The following ESRP1 variants were observed in gnomAD, a reference collection of about 807,000 sequenced individuals.
The protein encoded by ESRP1 is epithelial splicing regulatory protein 1, also known as RNA-binding motif protein 35A.
In ESRP1, 33 loss-of-function variants were observed where a neutral mutation model predicts 81.7. That is an observed-to-expected ratio of 0.40 (90% CI 0.31 to 0.54). ESRP1 has a LOEUF of 0.54. ESRP1 is among the 20% of genes least tolerant of loss of function. The probability of loss-of-function intolerance (pLI) is 0.41; values close to 1 mark genes in which losing one functional copy is unlikely to be tolerated. For synonymous variants in ESRP1, 320 were observed against 303.3 expected (o/e 1.06, Z -0.57); for missense variants, 672 against 833.1 (o/e 0.81, Z 2.38).
rs1817611633 is a variant in ESRP1 at position 94,641,806 on chromosome 8, C to T, written c.133-150C>T. The T allele has an allele frequency of 2.2e-5, 28 of 1,292,686 alleles. No individual in the cohort carries two copies. In the South Asian group the frequency reaches 3.7e-4, roughly 17 times the overall value. The allele number at this position is 1,292,686 out of a possible 1,614,324, so 80.1% of individuals were successfully genotyped here. A position where few individuals can be genotyped will look rare whatever the true frequency, so the allele number is the denominator to read the frequency against. ...GGGGGTGGGGCGGGGGGCAGGAACG[C>T]ACCGGAACCGATGGCGAGTCGAGAG... On this transcript the variant is annotated intron_variant, in intron 1 of 15. Coordinates refer to ENST00000433389, the MANE Select transcript of ESRP1 (RefSeq NM_017697.4).
At chr8:94,670,170 T>C (rs943805157) in intron 10 of ESRP1, among the ~76,000 whole-genome samples, 12 of 152,290 alleles carry the variant, frequency 7.9e-5, no homozygotes, top group Non-Finnish European at 1.8e-4. Flanking sequence ...TCTCCATCCT[T>C]CTTGATTTAT....
At chr8:94,669,598 G>T (rs541769153) in intron 10 of ESRP1, among the ~76,000 whole-genome samples, 44 of 152,188 alleles carry the variant, frequency 2.9e-4, no homozygotes, top group African/African-American at 1.0e-3. Context: ...AGGCGCAGTG[G>T]CTCACGCCTG....
At chr8:94,690,434 A>G (rs1033228650) in intron 13 of ESRP1, among the ~76,000 whole-genome samples, 1 of 151,880 alleles carries the variant, frequency 6.6e-6, no homozygotes, top group Non-Finnish European at 1.5e-5. Context: ...CACCCGGCCT[A>G]GAATTTAGGT....
At chr8:94,682,923 TA>T (rs1808966007) in intron 13 of ESRP1, among the ~76,000 whole-genome samples, 1 of 36,190 alleles carries the variant, frequency 2.8e-5, no homozygotes, top group African/African-American at 1.5e-4. Flanking sequence ...TATATATATA[TA>T]TATATATATT....
Position 94,674,303 on chromosome 8 carries a change from C to T in ESRP1, c.1453-5C>T. On this transcript the variant is annotated splice_region_variant and splice_polypyrimidine_tract_variant and intron_variant, in intron 11 of 15. Transcript: ENST00000433389. Reference sequence around the variant, plus strand: ...TTTGTTTTTATTCTTCCCCCACACACTCAGGGCCGCCCATCAGGAGATGCC... The same window carrying T: ...TTTGTTTTTATTCTTCCCCCACACATTCAGGGCCGCCCATCAGGAGATGCC... 6.2e-7 allele frequency: 1 copy of T among 1,612,912 alleles called. No homozygotes were observed. Among genetic ancestry groups the T allele is most frequent in the South Asian group, 1.1e-5 (1 of 90,902 alleles).
Position 94,706,281 on chromosome 8 carries a change from A to C in ESRP1, c.*392A>C. The C allele has an allele frequency of 3.9e-6, 1 of 254,320 alleles. No homozygotes were observed. The highest frequency in any genetic ancestry group is 7.5e-6 in the Non-Finnish European group (1 of 133,108). 15.8% of individuals were successfully genotyped at this position (254,320 alleles called of 1,614,324 possible). On this transcript the variant is annotated 3_prime_UTR_variant, in exon 16 of 16. Coordinates refer to ENST00000433389, the MANE Select transcript of ESRP1 (RefSeq NM_017697.4). ...CCAGTGTCTACCATCTCCACCATGA[A>C]CTCTGTTAAGGAAGCTTCATTTTTG...
Position 94,692,715 on chromosome 8 carries a change from C to G in ESRP1, c.1859C>G (p.Thr620Arg). 3.7e-6 allele frequency: 6 copies of G among 1,613,984 alleles called. No homozygotes were observed. Among genetic ancestry groups the G allele is most frequent in the Non-Finnish European group, 5.1e-6 (6 of 1,179,878 alleles). The change falls in exon 14 of 16, where the codon ACA becomes AGA. Residue 620 changes from threonine (T) to arginine (R), a missense_variant. Transcript: ENST00000433389. Reference protein sequence around the residue: ...GSPNSLGYFPTAANLSGVPPQ... With the variant: ...GSPNSLGYFPRAANLSGVPPQ... ...CCTAATAGTCTTGGCTACTTCCCTA[C>G]AGCTGCTAATCTTAGCGGTGTCCCT... is the stretch of plus-strand genomic sequence containing the variant.
At chr8:94,681,100 C>T (rs935457601) in intron 13 of ESRP1, among the ~76,000 whole-genome samples, 16 of 151,582 alleles carry the variant, frequency 1.1e-4, no homozygotes, top group Admixed American at 2.6e-4. Context: ...CCAAGGTGGA[C>T]GGATCACGAG....
At position 94,665,213 on chromosome 8, in the gene ESRP1, T is replaced by A. The variant is rs770535799; in HGVS notation, c.931+17T>A. 6.2e-7 allele frequency: 1 copy of A among 1,609,570 alleles called. No individual in the cohort carries two copies. The highest frequency in any genetic ancestry group is 8.5e-7 in the Non-Finnish European group (1 of 1,177,944). On this transcript the variant is annotated intron_variant, in intron 9 of 15. Coordinates refer to ENST00000433389, the MANE Select transcript of ESRP1 (RefSeq NM_017697.4). ...TTGCTGGTGGTAAGTGCCTTTTACA[T>A]AATGTGGCTTTAGTTAATAAGAATC...
rs929371454 is a variant in ESRP1 at position 94,665,500 on chromosome 8, T to A, written c.931+304T>A. 5.9e-5 allele frequency among the ~76,000 whole-genome samples: 9 copies of A among 152,192 alleles called. No individual in the cohort carries two copies. In the East Asian group the frequency reaches 1.7e-3, roughly 29 times the overall value. On this transcript the variant is annotated intron_variant, in intron 9 of 15. Coordinates refer to ENST00000433389, the MANE Select transcript of ESRP1 (RefSeq NM_017697.4). ...ATGGAAAGGCTAGGTTTTTTTGTTT[T>A]GTTTTTTTGGAGACAGAGTTTCGCT...
intron 13 of ESRP1, among the ~76,000 whole-genome samples, chr8:94,681,598 C>A (rs1366591793): frequency 6.6e-6 from 1 of 152,152 alleles, no homozygotes; most frequent in Non-Finnish European, 1.5e-5. Flanking sequence ...GATTGTGCCA[C>A]TGCACTCCAG....
At position 94,667,990 on chromosome 8, in the gene ESRP1, C is replaced by G; in HGVS notation, c.973C>G (p.Gln325Glu). 6.2e-7 allele frequency: 1 copy of G among 1,609,552 alleles called. No homozygotes were observed. The highest frequency in any genetic ancestry group is 8.5e-7 in the Non-Finnish European group (1 of 1,177,504). Residue 325 changes from glutamine to glutamate, a missense_variant, in exon 10 of 16, where the codon CAA becomes GAA. Coordinates refer to ENST00000433389, the MANE Select transcript of ESRP1 (RefSeq NM_017697.4). The part of the protein sequence containing the change: ...EVAQFLSKEN[Q>E]VIVRMRGLPF... ...AGCCCAGTTTCTCTCCAAGGAAAAT[C>G]AAGTCATTGTCCGCATGCGGGGGCT...
intron 6 of ESRP1, 28 bp downstream of exon 6, chr8:94,662,583 G>T: frequency 6.6e-7 from 1 of 1,508,872 alleles, no homozygotes; most frequent in Non-Finnish European, 8.9e-7. Flanking sequence ...ATTTATTTGA[G>T]CTTTTTAACT....
chr8:94,693,253 C>T (rs1809475898), intron 14 of ESRP1, among the ~76,000 whole-genome samples: 1 of 152,104 alleles, frequency 6.6e-6, no homozygotes, highest in Admixed American at 6.5e-5. Flanking sequence ...CCAGAGGCCT[C>T]TGGATAACCT....
chr8:94,705,923 AGT>A lies in ESRP1; in HGVS notation c.*37_*38del. The A allele has an allele frequency of 7.3e-7, 1 of 1,364,242 alleles. No homozygotes were observed. The highest frequency in any genetic ancestry group is 9.6e-7 in the Non-Finnish European group (1 of 1,045,312). The allele number at this position is 1,364,242 out of a possible 1,614,324, so 84.5% of individuals were successfully genotyped here. On this transcript the variant is annotated splice_acceptor_variant and 3_prime_UTR_variant, in exon 16 of 16. Coordinates refer to ENST00000433389, the MANE Select transcript of ESRP1 (RefSeq NM_017697.4). LOFTEE classifies it low-confidence loss of function (3UTR_SPLICE). ...ATTCACTTTTTTTTTTTTTTTTTTC[AGT>A]GTTTGAAAGATGTATGGTGATCTTG...
chr8:94,705,638 G>GA, intron 15 of ESRP1: 1 of 294,544 alleles, frequency 3.4e-6, no homozygotes, highest in Non-Finnish European at 6.3e-6. Context: ...CAGGGAGTCG[G>GA]AAACCATACA....
rs75345911 is a variant in ESRP1 at position 94,683,760 on chromosome 8, A to G, written c.1820+5389A>G. Among the ~76,000 whole-genome samples the G allele has an allele frequency of 2.3e-4, 35 of 152,330 alleles. No individual in the cohort carries two copies. In the East Asian group the frequency reaches 4.6e-3, roughly 20 times the overall value. ...TTTGTGGGTGGTCATGATTATGATT[A>G]TCAGGTTTTTTAGTTTGGATTAGGT... On this transcript the variant is annotated intron_variant, in intron 13 of 15. Transcript: ENST00000433389.
At chr8:94,682,251 C>G (rs1056710933) in intron 13 of ESRP1, among the ~76,000 whole-genome samples, 2 of 152,180 alleles carry the variant, frequency 1.3e-5, no homozygotes. Flanking sequence ...TCCTTTGCAT[C>G]AAAGCTGTTG....
Position 94,654,852 on chromosome 8 carries a change from G to A in ESRP1, c.491-7420G>A, listed in dbSNP as rs146163893. Among the ~76,000 whole-genome samples the A allele has an allele frequency of 8.3e-3, 1,262 of 151,288 alleles. 24 individuals carry two copies. Among genetic ancestry groups the A allele is most frequent in the African/African-American group, 0.03 (1,220 of 41,178 alleles). On this transcript the variant is annotated intron_variant, in intron 4 of 15. Transcript: ENST00000433389. ...AGGCTGAGGTGGGAGGATCACTTGAGCCCAGGATGTCAAAGCTATAGTGAG... is the reference window on the plus strand; with the variant it reads ...AGGCTGAGGTGGGAGGATCACTTGAACCCAGGATGTCAAAGCTATAGTGAG...
Sources: gnomAD v4.1 joint callset for allele counts (sites outside exome capture counted in the v4.1 genomes callset) on GRCh38, gnomAD v4.1.1 for gene constraint, MANE v1.5 for transcripts, NCBI Gene and HGNC (gene_info 2026-07-23, HGNC 2026-07-21) for gene names.